The following RAB2A variants were observed in gnomAD, a reference collection of about 807,000 sequenced individuals.
RAB2A encodes ras-related protein Rab-2A.
A neutral mutation model predicts 32.5 loss-of-function variants in RAB2A; 7 were observed. That is an observed-to-expected ratio of 0.22 (90% CI 0.12 to 0.40). RAB2A has a LOEUF of 0.40. Ranked by LOEUF, RAB2A falls within the 10% of genes least tolerant of loss-of-function variation. The pLI, the probability that RAB2A is intolerant of heterozygous loss-of-function variation, is 1.00. For missense variants in RAB2A, 108 were observed against 260.7 expected, an observed-to-expected ratio of 0.41 and a Z score of 4.03; for synonymous variants, 79 against 85.2, an observed-to-expected ratio of 0.93 and a Z score of 0.40.
intron 2 of RAB2A, among the ~76,000 whole-genome samples, chr8:60,562,983 A>C (rs552947119): frequency 2.2e-4 from 33 of 151,380 alleles, no homozygotes; most frequent in Non-Finnish European, 2.4e-4. Context: ...AACATTTTTG[A>C]CACCCATCAC....
chr8:60,605,710 C>G (rs1298773609), intron 6 of RAB2A, among the ~76,000 whole-genome samples: 1 of 151,872 alleles, frequency 6.6e-6, no homozygotes, highest in East Asian at 1.9e-4. Context: ...CCTATAGCCC[C>G]TTTCTTTTGG....
intron 1 of RAB2A, among the ~76,000 whole-genome samples, chr8:60,524,079 G>A (rs551665647): frequency 6.6e-6 from 1 of 152,022 alleles, no homozygotes; most frequent in Non-Finnish European, 1.5e-5. Flanking sequence ...AGACTTTATA[G>A]TGAATCATAG....
intron 6 of RAB2A, among the ~76,000 whole-genome samples, chr8:60,615,318 A>G (rs116737213): frequency 0.012 from 1,792 of 152,342 alleles, 40 homozygotes; most frequent in African/African-American, 0.039. Flanking sequence ...TTTAACATCT[A>G]TAGATAAGGT....
At chr8:60,525,973 A>G (rs1368121618) in intron 1 of RAB2A, among the ~76,000 whole-genome samples, 2 of 145,358 alleles carry the variant, frequency 1.4e-5, no homozygotes, top group Non-Finnish European at 3.0e-5. Flanking sequence ...ATATATGTCT[A>G]TATGTCTATA....
intron 6 of RAB2A, among the ~76,000 whole-genome samples, chr8:60,609,968 A>AC (rs1804309687): frequency 6.6e-6 from 1 of 151,586 alleles, no homozygotes; most frequent in South Asian, 2.1e-4. Context: ...CTCAAAAAAA[A>AC]AAAAAAAAAA....
chr8:60,555,756 G>A (rs1181840117), intron 1 of RAB2A, among the ~76,000 whole-genome samples: 2 of 152,144 alleles, frequency 1.3e-5, no homozygotes, highest in African/African-American at 4.8e-5. Flanking sequence ...ACTGTTGATG[G>A]GAATTTAAAT....
At chr8:60,571,808 A>G (rs1458951249) in intron 2 of RAB2A, among the ~76,000 whole-genome samples, 1 of 152,090 alleles carries the variant, frequency 6.6e-6, no homozygotes, top group African/African-American at 2.4e-5. Flanking sequence ...GTTGGTTTCT[A>G]ATATTGACTC....
chr8:60,568,901 C>T (rs1808156610), intron 2 of RAB2A, among the ~76,000 whole-genome samples: 1 of 152,082 alleles, frequency 6.6e-6, no homozygotes, highest in Admixed American at 6.5e-5. Context: ...AGAAGGAAAC[C>T]TTTCTAAATG....
intron 3 of RAB2A, among the ~76,000 whole-genome samples, chr8:60,581,347 A>G (rs971445930): frequency 5.9e-5 from 9 of 152,252 alleles, no homozygotes; most frequent in African/African-American, 1.9e-4. Context: ...CTAAGTGACT[A>G]CCAGGCAGGT....
In RAB2A at chr8:60,558,325, G is replaced by A. The variant is rs192040357; in HGVS notation, c.47-527G>A. The A allele has an allele frequency of 3.1e-4, 137 of 445,852 alleles. 1 individual carries two copies. In the East Asian group the frequency reaches 8.5e-3, roughly 28 times the overall value. The allele number at this position is 445,852 out of a possible 1,614,324, so 27.6% of individuals were successfully genotyped here. A position where few individuals can be genotyped will look rare whatever the true frequency, so the allele number is the denominator to read the frequency against. Reference sequence around the variant, plus strand: ...TGTGGGAGTCATTCATGACCGTAACGGGGTCAATTTTAATAGAGTGAAGGA... The same window carrying A: ...TGTGGGAGTCATTCATGACCGTAACAGGGTCAATTTTAATAGAGTGAAGGA... On this transcript the variant is annotated intron_variant, in intron 1 of 7. Transcript: ENST00000262646.
At chr8:60,552,035 C>CTTTTTTTT (rs1807860332) in intron 1 of RAB2A, 1 of 114,362 alleles carries the variant, frequency 8.7e-6, no homozygotes, top group East Asian at 3.1e-4. Flanking sequence ...TGGAGTTTCG[C>CTTTTTTTT]TTTTGTTGCC....
intron 1 of RAB2A, among the ~76,000 whole-genome samples, chr8:60,536,028 G>A: frequency 6.6e-6 from 1 of 152,150 alleles, no homozygotes; most frequent in East Asian, 1.9e-4. Flanking sequence ...AGATAATATT[G>A]CTGTTAGCCT....
intron 6 of RAB2A, among the ~76,000 whole-genome samples, chr8:60,612,223 G>A (rs1804363172): frequency 6.6e-6 from 1 of 152,148 alleles, no homozygotes; most frequent in South Asian, 2.1e-4. Flanking sequence ...GTGAGAATAT[G>A]CAGTGTTTGG....
intron 6 of RAB2A, among the ~76,000 whole-genome samples, chr8:60,598,023 C>T (rs1351248781): frequency 6.6e-6 from 1 of 152,042 alleles, no homozygotes; most frequent in Non-Finnish European, 1.5e-5. Flanking sequence ...CATGGTGAAA[C>T]CCTGTCTCTA....
intron 1 of RAB2A, among the ~76,000 whole-genome samples, chr8:60,526,017 G>A (rs1427420141): frequency 6.7e-5 from 5 of 74,220 alleles, no homozygotes; most frequent in African/African-American, 1.8e-4. Flanking sequence ...ATGTGTGTGT[G>A]TACATATATA....
chr8:60,552,001 G>GTTTTTTTTTTGTT (rs1352303744), intron 1 of RAB2A: 8 of 109,752 alleles, frequency 7.3e-5, no homozygotes, highest in African/African-American at 2.5e-4. Context: ...GTAGCTGGGA[G>GTTTTTTTTTTGTT]TTTTTTTTTT....
Position 60,591,862 on chromosome 8 carries a change from T to G in RAB2A, c.367T>G (p.Leu123Val). The G allele has an allele frequency of 6.3e-7, 1 of 1,598,050 alleles. No individual in the cohort carries two copies. The highest frequency in any genetic ancestry group is 8.6e-7 in the Non-Finnish European group (1 of 1,166,288). The change falls in exon 6 of 8, where the codon TTA becomes GTA. Residue 123 changes from leucine (L) to valine (V), a missense_variant. Physicochemically the swap from Leu to Val is conservative, Grantham distance 32. Coordinates refer to ENST00000262646, the MANE Select transcript of RAB2A (RefSeq NM_002865.3). ...VIMLIGNKSD[L>V]ESRREVKKEE... Reference sequence around the variant, plus strand: ...CCCTTTCTTTCCCATGTTTAGTGATTTAGAATCTAGAAGAGAAGTAAAAAA... The same window carrying G: ...CCCTTTCTTTCCCATGTTTAGTGATGTAGAATCTAGAAGAGAAGTAAAAAA...
chr8:60,561,260 T>G (rs1385975525), intron 2 of RAB2A, among the ~76,000 whole-genome samples: 1 of 152,250 alleles, frequency 6.6e-6, no homozygotes, highest in African/African-American at 2.4e-5. Flanking sequence ...CCCTATGTAC[T>G]TAAGTGTAGT....
intron 6 of RAB2A, among the ~76,000 whole-genome samples, chr8:60,599,338 A>G (rs913941661): frequency 1.6e-4 from 25 of 152,346 alleles, no homozygotes; most frequent in African/African-American, 5.8e-4. Context: ...GGAATATTCA[A>G]CCTTGTAAAA....
Sources: gnomAD v4.1 joint callset for allele counts (sites outside exome capture counted in the v4.1 genomes callset) on GRCh38, gnomAD v4.1.1 for gene constraint, MANE v1.5 for transcripts, NCBI Gene and HGNC (gene_info 2026-07-23, HGNC 2026-07-21) for gene names.